Variants in SCTR observed in about 807,000 individuals in gnomAD.
SCTR encodes the protein pancreatic secretin receptor.
SCTR carries 56 observed loss-of-function variants against 60.8 expected under a neutral mutation model. The observed-to-expected ratio is 0.92, with a 90% CI of 0.74 to 1.15. The LOEUF is 1.15. SCTR is among the 50% of genes most tolerant of loss of function. The pLI, the probability that SCTR is intolerant of heterozygous loss-of-function variation, is 0.00. For synonymous variants in SCTR, 202 were observed against 217.0 expected, an observed-to-expected ratio of 0.93 and a Z score of 0.61; for missense variants, 562 against 550.4, an observed-to-expected ratio of 1.02 and a Z score of -0.21.
intron 4 of SCTR, among the ~76,000 whole-genome samples, chr2:119,466,694 T>G (rs1012263296): frequency 6.6e-6 from 1 of 152,086 alleles, no homozygotes; most frequent in Non-Finnish European, 1.5e-5. Context: ...AAGGCTGCAG[T>G]GAGCTGTGAT....
intron 7 of SCTR, among the ~76,000 whole-genome samples, chr2:119,460,167 C>G (rs1020702934): frequency 1.3e-5 from 2 of 151,632 alleles, no homozygotes; most frequent in Non-Finnish European, 2.9e-5. Flanking sequence ...GGAGACAGGG[C>G]CCTTGTAAAT....
At chr2:119,458,065 A>G (rs1309950809) in intron 7 of SCTR, among the ~76,000 whole-genome samples, 3 of 152,130 alleles carry the variant, frequency 2.0e-5, no homozygotes, top group East Asian at 3.8e-4. Flanking sequence ...AGGCTGAGGC[A>G]GGAGGATCAC....
At chr2:119,505,412 T>C (rs1233557081) in intron 1 of SCTR, among the ~76,000 whole-genome samples, 1 of 151,598 alleles carries the variant, frequency 6.6e-6, no homozygotes, top group Non-Finnish European at 1.5e-5. Context: ...ACATGGCACA[T>C]GTATACATAT....
rs1158921407 is a variant in SCTR at position 119,524,432 on chromosome 2, C to T, written c.-206G>A. 7 of 378,638 alleles carry T rather than the reference C, an allele frequency of 1.8e-5. No individual in the cohort carries two copies. The highest frequency in any genetic ancestry group is 3.3e-5 in the Non-Finnish European group (7 of 214,626). The allele number at this position is 378,638 out of a possible 1,614,324, so 23.5% of individuals were successfully genotyped here. A position where few individuals can be genotyped will look rare whatever the true frequency, so the allele number is the denominator to read the frequency against. On this transcript the variant is annotated 5_prime_UTR_variant, in exon 1 of 13. The change abolishes an upstream ATG in the 5' untranslated region. Transcript: ENST00000019103. ...GCCGCGCGCGCTAAGCCGCCCGCCC[C>T]ATTGATCAGGACGCGGCTTTGCCGG...
rs1682821553 is a variant in SCTR at position 119,444,475 on chromosome 2, G to GTACGTATATATATACACATATATACA, written c.1140+2283_1140+2284insTGTATATATGTGTATATATATACGTA. On this transcript the variant is annotated intron_variant, in intron 11 of 12. Coordinates refer to ENST00000019103, the MANE Select transcript of SCTR (RefSeq NM_002980.3). Reference sequence around the variant, plus strand: ...TACGTATATATATACACATATATACGTACGTATATATATACACATATATAC... The same window carrying GTACGTATATATATACACATATATACA: ...TACGTATATATATACACATATATACGTACGTATATATATACACATATATACATACGTATATATATACACATATATAC... Among the ~76,000 whole-genome samples, 2 of 104,032 alleles carry GTACGTATATATATACACATATATACA rather than the reference G, an allele frequency of 1.9e-5. 1 individual carries two copies. The highest frequency in any genetic ancestry group is 6.4e-4 in the South Asian group (2 of 3,130). The allele number at this position is 104,032 out of a possible 152,430, so 68.2% of individuals were successfully genotyped here. A position where few individuals can be genotyped will look rare whatever the true frequency, so the allele number is the denominator to read the frequency against.
chr2:119,455,088 T>C (rs1683323013), intron 7 of SCTR, among the ~76,000 whole-genome samples: 1 of 152,146 alleles, frequency 6.6e-6, no homozygotes, highest in Admixed American at 6.5e-5. Context: ...CTAGTGGACG[T>C]GCTCAAGCTG....
In SCTR at chr2:119,503,910, CTT is replaced by C. The variant is rs574384667; in HGVS notation, c.73-9364_73-9363del. On this transcript the variant is annotated intron_variant, in intron 1 of 12. Coordinates refer to ENST00000019103, the MANE Select transcript of SCTR (RefSeq NM_002980.3). ...GGGATTGAAGGGGTATATGGAAACT[CTT>C]TGTACTTTCCACTCAATTTTTCTGT... 2.6e-3 allele frequency among the ~76,000 whole-genome samples: 395 copies of C among 152,244 alleles called. 2 individuals are homozygous for C. The highest frequency in any genetic ancestry group is 8.3e-3 in the African/African-American group (344 of 41,530).
In SCTR at chr2:119,461,961, T is replaced by A; in HGVS notation, c.676A>T (p.Ile226Phe). 3 of 1,613,818 alleles carry A rather than the reference T, an allele frequency of 1.9e-6. No individual in the cohort carries two copies. Among genetic ancestry groups the A allele is most frequent in the Non-Finnish European group, 2.5e-6 (3 of 1,179,880 alleles). Residue 226 changes from isoleucine to phenylalanine, a missense_variant, in exon 7 of 13, where the codon ATC becomes TTC. By Grantham distance (21) the Ile-to-Phe change is conservative. Coordinates refer to ENST00000019103, the MANE Select transcript of SCTR (RefSeq NM_002980.3). ...KLVMVLFQYC[I>F]MANYSWLLVE... ...AGCAGCCAGGAGTAGTTGGCCATGA[T>A]GCAGTACTGGAACAGCACCATGACC...
chr2:119,489,597 T>C (rs1678036767), intron 2 of SCTR, among the ~76,000 whole-genome samples: 1 of 152,150 alleles, frequency 6.6e-6, no homozygotes, highest in Admixed American at 6.5e-5. Flanking sequence ...GGTAACTCGC[T>C]TGACCAGGGG....
intron 1 of SCTR, among the ~76,000 whole-genome samples, chr2:119,516,014 C>T (rs1263116538): frequency 1.3e-5 from 2 of 152,074 alleles, no homozygotes; most frequent in Non-Finnish European, 2.9e-5. Context: ...AAATCAAAGC[C>T]GCAATGAGCC....
chr2:119,469,509 G>A (rs1676898771), intron 4 of SCTR, among the ~76,000 whole-genome samples: 1 of 151,544 alleles, frequency 6.6e-6, no homozygotes, highest in Non-Finnish European at 1.5e-5. Flanking sequence ...GTTGGTTTTT[G>A]AGACAGGGTC....
intron 7 of SCTR, among the ~76,000 whole-genome samples, chr2:119,454,671 T>C (rs1683303312): frequency 6.6e-6 from 1 of 151,992 alleles, no homozygotes; most frequent in African/African-American, 2.4e-5. Context: ...CTGGCCAACA[T>C]GGCAAAACCC....
chr2:119,480,128 C>T (rs1677534570), intron 2 of SCTR, among the ~76,000 whole-genome samples: 1 of 152,200 alleles, frequency 6.6e-6, no homozygotes, highest in Non-Finnish European at 1.5e-5. Context: ...ATTCAGTCAG[C>T]TTTGCATCTA....
chr2:119,476,784 C>T (rs1677338003), intron 3 of SCTR: 2 of 152,348 alleles, frequency 1.3e-5, no homozygotes, highest in South Asian at 4.1e-4. Flanking sequence ...AGGAGAAAAA[C>T]CCGGTCAGCT....
At chr2:119,491,100 G>A (rs1213312243) in intron 2 of SCTR, among the ~76,000 whole-genome samples, 1 of 152,182 alleles carries the variant, frequency 6.6e-6, no homozygotes, top group African/African-American at 2.4e-5. Flanking sequence ...ATCGTATCCA[G>A]TCCCAATGAT....
intron 2 of SCTR, among the ~76,000 whole-genome samples, chr2:119,493,919 G>T (rs932550536): frequency 6.6e-6 from 1 of 152,120 alleles, no homozygotes; most frequent in African/African-American, 2.4e-5. Flanking sequence ...GGGATTACAG[G>T]CATGAGCCAC....
intron 2 of SCTR, among the ~76,000 whole-genome samples, chr2:119,483,216 G>A (rs1677711755): frequency 1.3e-5 from 2 of 152,242 alleles, no homozygotes; most frequent in African/African-American, 4.8e-5. Flanking sequence ...GGCCATGCCA[G>A]GCCTGTGCTG....
At chr2:119,517,744 A>C (rs1475673498) in intron 1 of SCTR, among the ~76,000 whole-genome samples, 1 of 152,110 alleles carries the variant, frequency 6.6e-6, no homozygotes, top group Non-Finnish European at 1.5e-5. Flanking sequence ...GTTGGGTGAG[A>C]TGGCTGTCAT....
chr2:119,512,677 G>A (rs564157754), intron 1 of SCTR, among the ~76,000 whole-genome samples: 117 of 152,270 alleles, frequency 7.7e-4, no homozygotes, highest in Non-Finnish European at 1.3e-3. Context: ...GATTACAGGC[G>A]TGAGCCACCG....
Sources: gnomAD v4.1 joint callset for allele counts (sites outside exome capture counted in the v4.1 genomes callset) on GRCh38, gnomAD v4.1.1 for gene constraint, MANE v1.5 for transcripts, NCBI Gene and HGNC (gene_info 2026-07-23, HGNC 2026-07-21) for gene names.